The following ACVR2A variants were observed in gnomAD, a reference collection of about 807,000 sequenced individuals.
ACVR2A encodes the protein activin receptor type-2A.
ACVR2A carries 7 observed loss-of-function variants against 61.4 expected under a neutral mutation model. The observed-to-expected ratio is 0.11, with a 90% CI of 0.06 to 0.21. ACVR2A has a LOEUF of 0.21. ACVR2A is among the 10% of genes least tolerant of loss of function. ACVR2A has a pLI of 1.00. For synonymous variants in ACVR2A, 193 were observed against 208.3 expected, an observed-to-expected ratio of 0.93 and a Z score of 0.63; for missense variants, 322 against 621.7, an observed-to-expected ratio of 0.52 and a Z score of 5.13.
chr2:147,913,986 A>G (rs1028820043), intron 4 of ACVR2A, among the ~76,000 whole-genome samples: 3 of 151,936 alleles, frequency 2.0e-5, no homozygotes, highest in Admixed American at 2.0e-4. Context: ...ACACCTTGCA[A>G]TGTTTCTGTT....
chr2:147,868,134 A>G lies in ACVR2A; in HGVS notation c.55+22927A>G, dbSNP rs532138772. Among the ~76,000 whole-genome samples the G allele has an allele frequency of 6.6e-5, 10 of 152,290 alleles. No individual in the cohort carries two copies. In the South Asian group the frequency reaches 8.3e-4, roughly 13 times the overall value. ...CCGTGAGTGGCTCAATGCTGGTGGA[A>G]TCGGCGCCCAGTTCACGTTCACTGA... On this transcript the variant is annotated intron_variant, in intron 1 of 10. Coordinates refer to ENST00000241416, the MANE Select transcript of ACVR2A (RefSeq NM_001616.5).
At chr2:147,887,488 A>G (rs932447221) in intron 1 of ACVR2A, among the ~76,000 whole-genome samples, 3 of 152,228 alleles carry the variant, frequency 2.0e-5, no homozygotes, top group African/African-American at 7.2e-5. Context: ...ATTCCATTCT[A>G]TCACCACCTT....
chr2:147,880,671 C>G (rs1389226348), intron 1 of ACVR2A, among the ~76,000 whole-genome samples: 1 of 152,158 alleles, frequency 6.6e-6, no homozygotes, highest in East Asian at 1.9e-4. Context: ...TTGAGCTTCT[C>G]ATTTTTCTCT....
At chr2:147,873,868 G>T (rs1573923763) in intron 1 of ACVR2A, among the ~76,000 whole-genome samples, 1 of 151,984 alleles carries the variant, frequency 6.6e-6, no homozygotes, top group South Asian at 2.1e-4. Context: ...GGCTGTGTCT[G>T]TGTAGCCTGG....
Position 147,899,567 on chromosome 2 carries a change from C to T in ACVR2A, c.373C>T (p.Pro125Ser), listed in dbSNP as rs1270181070. ...SYFPEMEVTQ[P>S]TSNPVTPKPP... is the part of the protein sequence containing the mutation. ...TTTTCCGGAGATGGAAGTCACACAGCGTAAGTTCACAGGGAAAATACGTAG... is the reference window on the plus strand; with the variant it reads ...TTTTCCGGAGATGGAAGTCACACAGTGTAAGTTCACAGGGAAAATACGTAG... The change falls in exon 3 of 11, where the codon CCC (proline) becomes TCC (serine). Residue 125 changes from proline (P) to serine (S), a missense_variant and splice_region_variant. Physicochemically the swap from Pro to Ser is moderately conservative, Grantham distance 74 (BLOSUM62 -1). Coordinates refer to ENST00000241416, the MANE Select transcript of ACVR2A (RefSeq NM_001616.5). The T allele has an allele frequency of 1.2e-6, 2 of 1,610,198 alleles. No individual in the cohort carries two copies. Among genetic ancestry groups the T allele is most frequent in the Non-Finnish European group, 1.7e-6 (2 of 1,177,280 alleles).
chr2:147,930,578 C>T lies in ACVR2A; in HGVS notation c.*3304C>T, dbSNP rs1277759436. 6.6e-6 allele frequency: 1 copy of T among 152,296 alleles called. No homozygotes were observed. The highest frequency in any genetic ancestry group is 1.5e-5 in the Non-Finnish European group (1 of 67,976). The allele number at this position is 152,296 out of a possible 1,614,324, so 9.4% of individuals were successfully genotyped here. On this transcript the variant is annotated 3_prime_UTR_variant, in exon 11 of 11. Coordinates refer to ENST00000241416, the MANE Select transcript of ACVR2A (RefSeq NM_001616.5). The stretch of plus-strand genomic sequence containing the variant: ...TTTTTATGCAGTCTCAACCCATATC[C>T]CATTTGTTACCTCTCAGAATATTGG...
intron 1 of ACVR2A, among the ~76,000 whole-genome samples, chr2:147,857,992 C>G (rs1685630140): frequency 6.6e-6 from 1 of 151,972 alleles, no homozygotes; most frequent in African/African-American, 2.4e-5. Context: ...TCCCATAGGC[C>G]CCAGTGTTCC....
rs1171687284 is a variant in ACVR2A at position 147,901,103 on chromosome 2, A to G, written c.528+1205A>G. The stretch of plus-strand genomic sequence containing the variant: ...AGTAGTAGCTAAGTTTGTGTTCATT[A>G]AGAATCATTTCTAAAAAGTGTTTTA... On this transcript the variant is annotated intron_variant, in intron 4 of 10. Transcript: ENST00000241416. Among the ~76,000 whole-genome samples the G allele has an allele frequency of 2.0e-5, 3 of 152,208 alleles. No homozygotes were observed. In the East Asian group the frequency reaches 5.8e-4, roughly 29 times the overall value.
At chr2:147,926,235 ATT>A in intron 10 of ACVR2A, 74 bp downstream of exon 10, 1 of 1,527,204 alleles carries the variant, frequency 6.5e-7, no homozygotes, top group Admixed American at 1.9e-5. Flanking sequence ...ATCTCTGCAC[ATT>A]TCTCTTTCTT....
At chr2:147,886,046 A>G (rs949920756) in intron 1 of ACVR2A, among the ~76,000 whole-genome samples, 5 of 152,156 alleles carry the variant, frequency 3.3e-5, no homozygotes, top group South Asian at 2.1e-4. Context: ...TACTGAACTA[A>G]TAAAATTTTG....
At chr2:147,896,011 A>G (rs555343580) in intron 1 of ACVR2A, among the ~76,000 whole-genome samples, 1 of 152,210 alleles carries the variant, frequency 6.6e-6, no homozygotes, top group Admixed American at 6.5e-5. Context: ...TCAAGGGCCA[A>G]GGTTTCATAA....
chr2:147,911,768 G>A (rs1488667608), intron 4 of ACVR2A, among the ~76,000 whole-genome samples: 1 of 152,010 alleles, frequency 6.6e-6, no homozygotes, highest in African/African-American at 2.4e-5. Flanking sequence ...AGTTTTAAGA[G>A]ACTGAGAGTA....
At chr2:147,868,572 GC>G (rs536539109) in intron 1 of ACVR2A, among the ~76,000 whole-genome samples, 5 of 150,354 alleles carry the variant, frequency 3.3e-5, no homozygotes, top group South Asian at 2.1e-4. Context: ...TCTGTTCCCT[GC>G]CCCCCCCAAG....
intron 1 of ACVR2A, among the ~76,000 whole-genome samples, chr2:147,854,670 A>T (rs919100352): frequency 2.0e-5 from 3 of 152,230 alleles, no homozygotes; most frequent in Admixed American, 6.5e-5. Context: ...ATTGAACTAC[A>T]TGCTAGACAC....
chr2:147,915,931 G>A (rs1052785684), intron 5 of ACVR2A, among the ~76,000 whole-genome samples: 4 of 151,732 alleles, frequency 2.6e-5, no homozygotes, highest in Non-Finnish European at 5.9e-5. Context: ...TTCCGTTGGT[G>A]GTATAGATTT....
intron 8 of ACVR2A, among the ~76,000 whole-genome samples, chr2:147,920,658 G>A (rs555376996): frequency 6.6e-6 from 1 of 152,256 alleles, no homozygotes; most frequent in East Asian, 1.9e-4. Flanking sequence ...CGTAGTTTTA[G>A]TCTGTTAGTT....
intron 1 of ACVR2A, among the ~76,000 whole-genome samples, chr2:147,889,701 C>T (rs1018683175): frequency 2.0e-5 from 3 of 151,736 alleles, no homozygotes; most frequent in South Asian, 2.1e-4. Flanking sequence ...GAGCCGAGAT[C>T]GCACCATTGC....
At position 147,928,525 on chromosome 2, in the gene ACVR2A, A is replaced by C. The variant is rs1277322929; in HGVS notation, c.*1251A>C. 6.6e-6 allele frequency: 1 copy of C among 152,222 alleles called. No individual in the cohort carries two copies. Among genetic ancestry groups the C allele is most frequent in the Non-Finnish European group, 1.5e-5 (1 of 67,878 alleles). 9.4% of individuals were successfully genotyped at this position (152,222 alleles called of 1,614,324 possible). A position where few individuals can be genotyped will look rare whatever the true frequency, so the allele number is the denominator to read the frequency against. ...GATAAAGATATTAAACTTTAAGCAGATTTCAGATGTTACTGCTTTAAAACA... is the reference window on the plus strand; with the variant it reads ...GATAAAGATATTAAACTTTAAGCAGCTTTCAGATGTTACTGCTTTAAAACA... On this transcript the variant is annotated 3_prime_UTR_variant, in exon 11 of 11. Coordinates refer to ENST00000241416, the MANE Select transcript of ACVR2A (RefSeq NM_001616.5).
chr2:147,902,977 T>C (rs1288500629), intron 4 of ACVR2A: 1 of 151,978 alleles, frequency 6.6e-6, no homozygotes, highest in Non-Finnish European at 1.5e-5. Flanking sequence ...AAGCTTTGGC[T>C]AAAGGATGGT....
Sources: allele counts gnomAD v4.1 joint callset (sites outside exome capture counted in the v4.1 genomes callset), GRCh38; gene constraint gnomAD v4.1.1; transcripts MANE v1.5; gene names NCBI Gene and HGNC (gene_info 2026-07-23, HGNC 2026-07-21).